The following RYR2 variants were observed in gnomAD, a reference collection of about 807,000 sequenced individuals.
RYR2 encodes the protein ryanodine receptor 2.
A neutral mutation model predicts 601.1 loss-of-function variants in RYR2; 227 were observed. The observed-to-expected ratio is 0.38, with a 90% CI of 0.34 to 0.42. The LOEUF is 0.42. RYR2 is among the 10% of genes least tolerant of loss of function. RYR2 has a pLI of 1.00. For missense variants in RYR2, 4,646 were observed against 6,156.5 expected (o/e 0.75, Z 8.21); for synonymous variants, 2,223 against 2,175.1 (o/e 1.02, Z -0.61).
In RYR2 at chr1:237,784,792, C is replaced by T. The variant is rs369964660; in HGVS notation, c.13080C>T (p.Ser4360=). 1.6e-5 allele frequency: 26 copies of T among 1,610,580 alleles called. No homozygotes were observed. The African/African-American group carries it at 1.7e-4, about 11-fold the overall frequency. ...ERKPLEAALP[S]EDLTDLKELT... is the part of the protein sequence containing the mutation. ...AACCCCTGGAAGCCGCCCTGCCCTC[C>T]GAGGATCTGACCGACTTAAAGGAGC... Residue 4360 remains serine, a synonymous_variant, in exon 90 of 105, where the codon TCC becomes TCT. Transcript: ENST00000366574. The surrounding 1 kb of genome is among the most constrained non-coding windows in gnomAD (Gnocchi z 7.1).
At chr1:237,405,016 T>C (rs1176925485) in intron 10 of RYR2, among the ~76,000 whole-genome samples, 1 of 152,152 alleles carries the variant, frequency 6.6e-6, no homozygotes, top group African/African-American at 2.4e-5. Flanking sequence ...ACACTTTGAT[T>C]TCAGCCTATG....
chr1:237,491,789 CTTTGT>C lies in RYR2; in HGVS notation c.1709-13_1709-9del. 8.3e-7 allele frequency: 1 copy of C among 1,203,740 alleles called. No homozygotes were observed. The highest frequency in any genetic ancestry group is 2.6e-5 in the East Asian group (1 of 39,196). 74.6% of individuals were successfully genotyped at this position (1,203,740 alleles called of 1,614,324 possible). ...TAATCATGTGTTTTTTTTCCTCTTT[CTTTGT>C]TTTATCTTTAGGCATTCTGGAAGTT... On this transcript the variant is annotated splice_polypyrimidine_tract_variant and intron_variant, in intron 17 of 104. Coordinates refer to ENST00000366574, the MANE Select transcript of RYR2 (RefSeq NM_001035.3).
At chr1:237,584,649 GT>G (rs61131096) in intron 29 of RYR2, among the ~76,000 whole-genome samples, 7 of 72,442 alleles carry the variant, frequency 9.7e-5, no homozygotes, top group African/African-American at 3.2e-4. Context: ...CTCACCACCT[GT>G]TTTTTTTTTT....
At chr1:237,751,290 A>G (rs2149246531) in intron 80 of RYR2, among the ~76,000 whole-genome samples, 1 of 152,302 alleles carries the variant, frequency 6.6e-6, no homozygotes, top group Admixed American at 6.5e-5. Context: ...TAAGTGGGTA[A>G]ATGACCGCTG....
chr1:237,301,626 GAAGTT>G (rs113801537), intron 2 of RYR2, among the ~76,000 whole-genome samples: 7,904 of 152,128 alleles, frequency 0.052, 492 homozygotes, highest in African/African-American at 0.15. Context: ...TCTTAGTAAT[GAAGTT>G]AATAAAACAG....
chr1:237,331,079 A>G (rs775317902), intron 3 of RYR2, 97 bp downstream of exon 3: 16 of 999,272 alleles, frequency 1.6e-5, no homozygotes, highest in Non-Finnish European at 2.2e-5. Flanking sequence ...TCTTTTTGCT[A>G]AAATAAGTCC....
At chr1:237,686,291 T>G (rs890961483) in intron 62 of RYR2, among the ~76,000 whole-genome samples, 2 of 152,200 alleles carry the variant, frequency 1.3e-5, no homozygotes, top group Admixed American at 1.3e-4. Context: ...GGGTAGAGCC[T>G]GTGCTCTCTG....
chr1:237,575,065 T>G lies in RYR2; in HGVS notation c.3598+5746T>G, dbSNP rs185291418. 1.1e-4 allele frequency among the ~76,000 whole-genome samples: 17 copies of G among 152,308 alleles called. No individual in the cohort carries two copies. The East Asian group carries it at 3.1e-3, about 28-fold the overall frequency. Reference sequence around the variant, plus strand: ...TCACAAGACTATCAAAGACCACCCATGACACCAGTCTGTTTAGAGAGAGAA... The same window carrying G: ...TCACAAGACTATCAAAGACCACCCAGGACACCAGTCTGTTTAGAGAGAGAA... On this transcript the variant is annotated intron_variant, in intron 29 of 104. Transcript: ENST00000366574.
chr1:237,353,776 C>G (rs942961608), intron 3 of RYR2, among the ~76,000 whole-genome samples: 6 of 151,976 alleles, frequency 3.9e-5, no homozygotes, highest in African/African-American at 1.4e-4. Flanking sequence ...TTAAAATAGT[C>G]ATTTTCTTTA....
chr1:237,270,089 T>C (rs1159828141), intron 1 of RYR2, among the ~76,000 whole-genome samples: 2 of 152,240 alleles, frequency 1.3e-5, no homozygotes, highest in Non-Finnish European at 1.5e-5. Context: ...GTGCCTGCTA[T>C]TAGAATCTGT....
At chr1:237,208,576 C>A (rs766992821) in intron 1 of RYR2, among the ~76,000 whole-genome samples, 1 of 151,966 alleles carries the variant, frequency 6.6e-6, no homozygotes, top group African/African-American at 2.4e-5. Flanking sequence ...TTTATGGTGG[C>A]ATAATTGTCA....
chr1:237,101,753 C>G (rs1668128171), intron 1 of RYR2, among the ~76,000 whole-genome samples: 1 of 152,200 alleles, frequency 6.6e-6, no homozygotes, highest in Non-Finnish European at 1.5e-5. Context: ...GTTACTGCCC[C>G]ATAACCCAGG....
chr1:237,392,321 T>C (rs1263006647), intron 10 of RYR2, among the ~76,000 whole-genome samples: 2 of 152,108 alleles, frequency 1.3e-5, no homozygotes, highest in Non-Finnish European at 2.9e-5. Flanking sequence ...TAAAAGAGTG[T>C]AACTGGATTG....
At chr1:237,296,175 GTGAT>G (rs1156392907) in intron 2 of RYR2, among the ~76,000 whole-genome samples, 2 of 152,202 alleles carry the variant, frequency 1.3e-5, no homozygotes. Context: ...AGAGGCCAGT[GTGAT>G]TGAAGTCCAG....
At chr1:237,370,807 C>T (rs1700579441) in intron 6 of RYR2, among the ~76,000 whole-genome samples, 1 of 151,824 alleles carries the variant, frequency 6.6e-6, no homozygotes, top group African/African-American at 2.4e-5. Flanking sequence ...ACTACAGGTG[C>T]CCGCCACCAC....
intron 31 of RYR2, among the ~76,000 whole-genome samples, chr1:237,591,336 A>T (rs1675180436): frequency 6.6e-6 from 1 of 152,002 alleles, no homozygotes; most frequent in Non-Finnish European, 1.5e-5. Flanking sequence ...ACTTTTTAAG[A>T]TGTCTGTGTT....
chr1:237,709,675 G>T, intron 70 of RYR2, 108 bp downstream of exon 70: 2 of 583,220 alleles, frequency 3.4e-6, no homozygotes, highest in Middle Eastern at 2.8e-4. Context: ...TTCCCCTGAG[G>T]AGTTTGAGGG....
At chr1:237,127,568 C>G (rs1306329377) in intron 1 of RYR2, among the ~76,000 whole-genome samples, 2 of 149,600 alleles carry the variant, frequency 1.3e-5, no homozygotes, top group South Asian at 4.3e-4. Flanking sequence ...GGGGCTGACC[C>G]CCCCCACCTC....
At chr1:237,830,478 C>T (rs1663648968) in intron 102 of RYR2, 52 bp from the exon 103 acceptor site, 1 of 1,121,524 alleles carries the variant, frequency 8.9e-7, no homozygotes, top group African/African-American at 1.5e-5. Flanking sequence ...TTGTGTTTTC[C>T]TTTTGTTTTG....
Sources: allele counts gnomAD v4.1 joint callset (sites outside exome capture counted in the v4.1 genomes callset), GRCh38; gene constraint gnomAD v4.1.1; non-coding constraint Gnocchi (gnomAD v3.1); transcripts MANE v1.5; gene names NCBI Gene and HGNC (gene_info 2026-07-23, HGNC 2026-07-21).